Variants in KCNIP4 observed in about 807,000 individuals in gnomAD.
KCNIP4 encodes potassium voltage-gated channel interacting protein 4.
A neutral mutation model predicts 34.0 loss-of-function variants in KCNIP4; 12 were observed. That is an observed-to-expected ratio of 0.35 (90% CI 0.23 to 0.57). The LOEUF is 0.57. Ranked by LOEUF, KCNIP4 falls within the 20% of genes least tolerant of loss-of-function variation. KCNIP4 has a pLI of 0.83. For missense variants in KCNIP4, 238 were observed against 311.7 expected (o/e 0.76, Z 1.78); for synonymous variants, 124 against 102.2 (o/e 1.21, Z -1.29).
At chr4:21,625,661 T>C (rs1272810013) in intron 1 of KCNIP4, among the ~76,000 whole-genome samples, 4 of 152,176 alleles carry the variant, frequency 2.6e-5, no homozygotes, top group East Asian at 3.8e-4. Context: ...TGCCCTTCTT[T>C]TAAGTCACTC....
At chr4:21,311,465 C>T (rs945650459) in intron 1 of KCNIP4, among the ~76,000 whole-genome samples, 2 of 152,158 alleles carry the variant, frequency 1.3e-5, no homozygotes, top group African/African-American at 4.8e-5. Flanking sequence ...CCTAGGTGGG[C>T]GGATCATGAG....
At chr4:20,835,737 A>T (rs939760863) in intron 3 of KCNIP4, among the ~76,000 whole-genome samples, 2 of 152,198 alleles carry the variant, frequency 1.3e-5, no homozygotes, top group Admixed American at 1.3e-4. Context: ...TCAAATTTTG[A>T]TTACTAATTC....
chr4:21,386,632 C>T (rs1722059758), intron 1 of KCNIP4, among the ~76,000 whole-genome samples: 1 of 152,156 alleles, frequency 6.6e-6, no homozygotes, highest in Non-Finnish European at 1.5e-5. Flanking sequence ...TTAGTCCCAG[C>T]CTTACAAAAT....
At chr4:20,946,413 T>C (rs1311869323) in intron 1 of KCNIP4, among the ~76,000 whole-genome samples, 1 of 152,042 alleles carries the variant, frequency 6.6e-6, no homozygotes. Flanking sequence ...AGTGGTCAGA[T>C]GGTGGTGAGC....
chr4:20,797,512 GA>G (rs1457157067), intron 3 of KCNIP4, among the ~76,000 whole-genome samples: 1 of 152,150 alleles, frequency 6.6e-6, no homozygotes, highest in Non-Finnish European at 1.5e-5. Context: ...TTTCCTCTGC[GA>G]TTAAGTAAAG....
At chr4:21,559,475 C>A (rs1739346159) in intron 1 of KCNIP4, among the ~76,000 whole-genome samples, 1 of 152,100 alleles carries the variant, frequency 6.6e-6, no homozygotes, top group South Asian at 2.1e-4. Context: ...TACCCAGACC[C>A]ATTCAAGGAC....
At chr4:21,903,281 G>A (rs1281212698) in intron 1 of KCNIP4, among the ~76,000 whole-genome samples, 1 of 152,050 alleles carries the variant, frequency 6.6e-6, no homozygotes, top group Non-Finnish European at 1.5e-5. Flanking sequence ...GGTCACAGAA[G>A]GAAGCCTTCT....
chr4:20,969,129 T>G (rs900735722), intron 1 of KCNIP4, among the ~76,000 whole-genome samples: 3 of 152,198 alleles, frequency 2.0e-5, no homozygotes, highest in Admixed American at 1.3e-4. Flanking sequence ...GTATGTTATT[T>G]TTTCTTTCCA....
chr4:21,668,320 C>T (rs1478801348), intron 1 of KCNIP4, among the ~76,000 whole-genome samples: 2 of 152,014 alleles, frequency 1.3e-5, no homozygotes, highest in Non-Finnish European at 1.5e-5. Flanking sequence ...AACAAACCTA[C>T]ACGTTCTGCA....
At chr4:21,374,069 T>C (rs552700381) in intron 1 of KCNIP4, among the ~76,000 whole-genome samples, 2 of 147,406 alleles carry the variant, frequency 1.4e-5, no homozygotes, top group South Asian at 4.2e-4. Flanking sequence ...CCACCACAAA[T>C]ACTTTGCAGA....
chr4:21,881,352 A>G (rs1189810904), intron 1 of KCNIP4, among the ~76,000 whole-genome samples: 1 of 152,190 alleles, frequency 6.6e-6, no homozygotes, highest in Non-Finnish European at 1.5e-5. Context: ...GTTGGATTAT[A>G]TGTAGGGTTT....
chr4:21,605,183 G>A (rs939101225), intron 1 of KCNIP4, among the ~76,000 whole-genome samples: 6 of 152,196 alleles, frequency 3.9e-5, no homozygotes, highest in African/African-American at 1.4e-4. Flanking sequence ...GCTGTTCCAA[G>A]GGACAATGCC....
chr4:21,130,971 G>A (rs1751023402), intron 1 of KCNIP4, among the ~76,000 whole-genome samples: 1 of 152,052 alleles, frequency 6.6e-6, no homozygotes, highest in African/African-American at 2.4e-5. Context: ...GCCATTGTAA[G>A]TCCAGATGCT....
At chr4:21,706,759 T>C (rs1360697373) in intron 1 of KCNIP4, among the ~76,000 whole-genome samples, 2 of 152,148 alleles carry the variant, frequency 1.3e-5, no homozygotes, top group East Asian at 3.8e-4. Context: ...GTTCTGTGTA[T>C]CTCAGTGGGA....
chr4:21,668,776 A>G (rs1749230635), intron 1 of KCNIP4, among the ~76,000 whole-genome samples: 1 of 152,170 alleles, frequency 6.6e-6, no homozygotes, highest in Non-Finnish European at 1.5e-5. Flanking sequence ...TAGCAGAGTA[A>G]TACAATTTAC....
intron 1 of KCNIP4, among the ~76,000 whole-genome samples, chr4:21,189,370 G>T (rs760953981): frequency 6.6e-6 from 1 of 152,078 alleles, no homozygotes; most frequent in South Asian, 2.1e-4. Context: ...TCGAGAAAAA[G>T]CATCTTATGT....
intron 3 of KCNIP4, among the ~76,000 whole-genome samples, chr4:20,818,700 T>C (rs1308047226): frequency 6.6e-6 from 1 of 152,114 alleles, no homozygotes; most frequent in Non-Finnish European, 1.5e-5. Flanking sequence ...ATTAATATGC[T>C]TGAGTTCAGC....
intron 1 of KCNIP4, among the ~76,000 whole-genome samples, chr4:21,299,092 T>A (rs544619366): frequency 2.0e-5 from 3 of 152,146 alleles, no homozygotes; most frequent in Non-Finnish European, 4.4e-5. Context: ...ATTACCTATC[T>A]CAAAGGATTT....
At chr4:20,760,124 A>G (rs540284699) in intron 3 of KCNIP4, among the ~76,000 whole-genome samples, 51 of 152,282 alleles carry the variant, frequency 3.3e-4, no homozygotes, top group African/African-American at 1.0e-3. Flanking sequence ...TCAAGAGTCA[A>G]CTGCACATTG....
Sources: allele counts gnomAD v4.1 joint callset (sites outside exome capture counted in the v4.1 genomes callset), GRCh38; gene constraint gnomAD v4.1.1; transcripts MANE v1.5; gene names NCBI Gene and HGNC (gene_info 2026-07-23, HGNC 2026-07-21).